Variants in PCDH15 observed in about 807,000 individuals in gnomAD.
The protein encoded by PCDH15 is protocadherin-15.
PCDH15 carries 129 observed loss-of-function variants against 178.5 expected under a neutral mutation model. That is an observed-to-expected ratio of 0.72 (90% CI 0.63 to 0.84). The LOEUF (loss-of-function observed/expected upper bound fraction) is 0.84, where lower values mean the gene tolerates loss of function less well. Among genes scored for constraint, PCDH15 ranks in the 40% least tolerant of loss-of-function variants. The probability of loss-of-function intolerance (pLI) is 0.00; values close to 1 mark genes in which losing one functional copy is unlikely to be tolerated. For missense variants in PCDH15, 2,230 were observed against 2,099.9 expected (o/e 1.06, Z -1.21); for synonymous variants, 800 against 732.0 (o/e 1.09, Z -1.50).
At chr10:55,341,764 T>TGC (rs1484054112) in intron 2 of PCDH15, among the ~76,000 whole-genome samples, 702 of 16,304 alleles carry the variant, frequency 0.043, 19 homozygotes, top group African/African-American at 0.12. Context: ...TACATATGCA[T>TGC]ATATATATAT....
intron 1 of PCDH15, among the ~76,000 whole-genome samples, chr10:54,781,200 T>C (rs1950327237): frequency 6.6e-6 from 1 of 152,080 alleles, no homozygotes; most frequent in Admixed American, 6.6e-5. Flanking sequence ...AGTTCTGGGG[T>C]ACATATGCAG....
intron 9 of PCDH15, among the ~76,000 whole-genome samples, chr10:54,221,138 T>TA (rs1414048393): frequency 3.3e-5 from 5 of 152,120 alleles, no homozygotes; most frequent in Non-Finnish European, 5.9e-5. Flanking sequence ...GTAAAATTGA[T>TA]AACTATGTTT....
chr10:53,864,513 C>G (rs2079315147), intron 27 of PCDH15, among the ~76,000 whole-genome samples: 1 of 152,144 alleles, frequency 6.6e-6, no homozygotes. Flanking sequence ...GGCATCAATC[C>G]ACTCAGGCCT....
intron 2 of PCDH15, among the ~76,000 whole-genome samples, chr10:55,601,610 C>CAG (rs1843080573): frequency 6.6e-6 from 1 of 151,944 alleles, no homozygotes; most frequent in Non-Finnish European, 1.5e-5. Flanking sequence ...AGAGAAATTA[C>CAG]AGATATATTA....
At chr10:54,488,232 A>C (rs2079270766) in intron 3 of PCDH15, among the ~76,000 whole-genome samples, 1 of 151,906 alleles carries the variant, frequency 6.6e-6, no homozygotes, top group Non-Finnish European at 1.5e-5. Context: ...TAATTTTAAG[A>C]AACATTTTTA....
At chr10:55,436,590 G>A (rs1005326235) in intron 2 of PCDH15, among the ~76,000 whole-genome samples, 1 of 151,914 alleles carries the variant, frequency 6.6e-6, no homozygotes, top group African/African-American at 2.4e-5. Flanking sequence ...ATTATCCTAG[G>A]AGATCCTAAC....
intron 25 of PCDH15, 80 bp from the exon 26 acceptor site, chr10:53,903,450 A>C (rs899587914): frequency 2.6e-6 from 4 of 1,535,340 alleles, no homozygotes; most frequent in Non-Finnish European, 3.6e-6. Flanking sequence ...TATTTGCTGC[A>C]CTTTTTTTTG....
intron 2 of PCDH15, among the ~76,000 whole-genome samples, chr10:55,601,285 T>C (rs1001630449): frequency 5.9e-5 from 9 of 152,204 alleles, no homozygotes; most frequent in Non-Finnish European, 1.0e-4. Context: ...TTAGGAAAAG[T>C]TTTCAGTAAG....
chr10:55,169,287 C>T (rs1357016671), intron 1 of PCDH15, among the ~76,000 whole-genome samples: 4 of 152,058 alleles, frequency 2.6e-5, no homozygotes, highest in African/African-American at 4.8e-5. Context: ...TATTTGAAAA[C>T]GTCGTGTTGC....
In PCDH15 at chr10:55,463,210, G is replaced by C. The variant is rs1839717807; in HGVS notation, c.-156+164415C>G. ...TGAATGGGATTATTGCAATTTTCTA[G>C]AACAATATGAATAAAGCAATCATAT... On this transcript the variant is annotated intron_variant, in intron 2 of 5. Coordinates refer to the PCDH15 transcript ENST00000613346. Among the ~76,000 whole-genome samples, 4 of 151,786 alleles carry C rather than the reference G, an allele frequency of 2.6e-5. No individual in the cohort carries two copies. In the South Asian group the frequency reaches 8.3e-4, roughly 32 times the overall value.
At chr10:54,842,769 A>G (rs1486915713) in intron 3 of PCDH15, among the ~76,000 whole-genome samples, 1 of 151,912 alleles carries the variant, frequency 6.6e-6, no homozygotes, top group South Asian at 2.1e-4. Flanking sequence ...ATATAAAAAA[A>G]TCTCTAGGAC....
chr10:53,896,064 A>G (rs2081929021), intron 26 of PCDH15, among the ~76,000 whole-genome samples: 1 of 152,174 alleles, frequency 6.6e-6, no homozygotes, highest in Middle Eastern at 3.2e-3. Context: ...TACTGCATAA[A>G]TCAATGTTTA....
intron 2 of PCDH15, among the ~76,000 whole-genome samples, chr10:55,086,320 T>C (rs1458268262): frequency 6.6e-6 from 1 of 152,020 alleles, no homozygotes; most frequent in Admixed American, 6.6e-5. Flanking sequence ...GAGAAATATA[T>C]ATGTATATAT....
intron 29 of PCDH15, among the ~76,000 whole-genome samples, chr10:53,832,801 G>T (rs1434959763): frequency 6.6e-6 from 1 of 151,928 alleles, no homozygotes; most frequent in African/African-American, 2.4e-5. Flanking sequence ...GAGTGACCAT[G>T]CTGATTTTAA....
At chr10:54,923,864 C>G (rs2131846328) in intron 2 of PCDH15, among the ~76,000 whole-genome samples, 1 of 137,906 alleles carries the variant, frequency 7.3e-6, no homozygotes, top group African/African-American at 2.5e-5. Flanking sequence ...TCTGAGCCCT[C>G]CAAACGATTC....
intron 2 of PCDH15, among the ~76,000 whole-genome samples, chr10:55,511,680 C>A (rs896221033): frequency 4.6e-5 from 7 of 151,980 alleles, no homozygotes; most frequent in Non-Finnish European, 1.0e-4. Flanking sequence ...CTCCTTAATG[C>A]AAAGCTCCTC....
At chr10:54,187,111 T>A (rs574865216) in intron 11 of PCDH15, among the ~76,000 whole-genome samples, 90 of 152,090 alleles carry the variant, frequency 5.9e-4, no homozygotes, top group African/African-American at 2.0e-3. Context: ...CCATCTGGCA[T>A]GCCTTAATTT....
intron 2 of PCDH15, among the ~76,000 whole-genome samples, chr10:54,615,677 T>C (rs940819459): frequency 1.4e-5 from 2 of 147,278 alleles, no homozygotes; most frequent in African/African-American, 5.0e-5. Flanking sequence ...ACACATAAAC[T>C]AGGAATGACA....
rs568828569 is a variant in PCDH15 at position 53,825,254 on chromosome 10, CACTT to C, written c.4367+2135_4367+2138del. The stretch of plus-strand genomic sequence containing the variant: ...TGAGCAGGAACTTGCTTTAAACAAA[CACTT>C]AGTACGTATATCAAAAAAAAGGCAT... On this transcript the variant is annotated intron_variant, in intron 32 of 37. Coordinates refer to ENST00000644397, the MANE Select transcript of PCDH15 (RefSeq NM_001384140.1). 5.3e-4 allele frequency: 678 copies of C among 1,270,996 alleles called. 1 individual carries two copies. The highest frequency in any genetic ancestry group is 4.1e-3 in the African/African-American group (264 of 64,788). The allele number at this position is 1,270,996 out of a possible 1,614,324, so 78.7% of individuals were successfully genotyped here. A position where few individuals can be genotyped will look rare whatever the true frequency, so the allele number is the denominator to read the frequency against.
Sources: gnomAD v4.1 joint callset for allele counts (sites outside exome capture counted in the v4.1 genomes callset) on GRCh38, gnomAD v4.1.1 for gene constraint, MANE v1.5 for transcripts, NCBI Gene and HGNC (gene_info 2026-07-23, HGNC 2026-07-21) for gene names.